The following ACSL1 variants were observed in gnomAD, a reference collection of about 807,000 sequenced individuals.
The protein encoded by ACSL1 is long-chain-fatty-acid--CoA ligase 1.
A neutral mutation model predicts 98.4 loss-of-function variants in ACSL1; 41 were observed. The observed-to-expected ratio is 0.42, with a 90% confidence interval of 0.32 to 0.54. The LOEUF (loss-of-function observed/expected upper bound fraction) is 0.54, where lower values mean the gene tolerates loss of function less well. Among genes scored for constraint, ACSL1 ranks in the 20% least tolerant of loss-of-function variants. ACSL1 has a pLI of 0.13. For missense variants in ACSL1, 734 were observed against 883.1 expected (o/e 0.83, Z 2.14); for synonymous variants, 316 against 322.7 (o/e 0.98, Z 0.22).
rs145459111 is a variant in ACSL1, at chr4:184,784,271, CCTCTTT to C, written c.311-286_311-281del. On this transcript the variant is annotated intron_variant, in intron 3 of 20. Transcript: ENST00000281455. ...TCTTAAGGGCACTTAATTTGTGATT[CCTCTTT>C]AACACCCTACTGGTTTAGACCAGGA... 5.5e-4 allele frequency among the ~76,000 whole-genome samples: 83 copies of C among 152,270 alleles called. 3 individuals carry two copies. The East Asian group carries it at 0.015, about 28-fold the overall frequency.
At chr4:184,795,550 C>T (rs1769210641) in intron 2 of ACSL1, among the ~76,000 whole-genome samples, 1 of 152,134 alleles carries the variant, frequency 6.6e-6, no homozygotes, top group Non-Finnish European at 1.5e-5. Flanking sequence ...CTTTAAATTC[C>T]TAAGCCAGGC....
intron 11 of ACSL1, among the ~76,000 whole-genome samples, chr4:184,769,108 CTTTACATTTAA>C (rs1764108261): frequency 6.8e-6 from 1 of 147,994 alleles, no homozygotes; most frequent in Non-Finnish European, 1.5e-5. Context: ...CTTCCAGAAA[CTTTACATTTAA>C]TTTATTCTCA....
chr4:184,811,443 C>T (rs897617729), intron 1 of ACSL1, among the ~76,000 whole-genome samples: 4 of 152,062 alleles, frequency 2.6e-5, no homozygotes, highest in African/African-American at 9.7e-5. Context: ...GGATTCAAAC[C>T]CAGATTTCCA....
chr4:184,771,215 G>A (rs1764467232), intron 10 of ACSL1, among the ~76,000 whole-genome samples: 1 of 151,974 alleles, frequency 6.6e-6, no homozygotes, highest in African/African-American at 2.4e-5. Context: ...ATCAAAACAA[G>A]GAAAATTTTG....
intron 1 of ACSL1, among the ~76,000 whole-genome samples, chr4:184,820,306 T>C (rs11132256): frequency 0.012 from 1,863 of 152,020 alleles, 11 homozygotes; most frequent in Non-Finnish European, 0.021. Context: ...CGTGAGCCAC[T>C]GCACCCGGCC....
At chr4:184,818,297 T>C (rs528345812) in intron 1 of ACSL1, among the ~76,000 whole-genome samples, 1 of 152,244 alleles carries the variant, frequency 6.6e-6, no homozygotes, top group South Asian at 2.1e-4. Flanking sequence ...TTATGTAACA[T>C]TAGCTGGAGC....
intron 1 of ACSL1, among the ~76,000 whole-genome samples, chr4:184,816,329 G>A (rs1772634027): frequency 6.6e-6 from 1 of 152,088 alleles, no homozygotes; most frequent in African/African-American, 2.4e-5. Context: ...GTATTGGGAA[G>A]GAGAAGAGAG....
intron 2 of ACSL1, among the ~76,000 whole-genome samples, chr4:184,799,467 C>T (rs1038610957): frequency 5.3e-5 from 8 of 152,132 alleles, no homozygotes; most frequent in Non-Finnish European, 1.2e-4. Flanking sequence ...AGAACTTAGA[C>T]TCTGTTTTTA....
At chr4:184,823,761 T>C (rs116290981) in intron 1 of ACSL1, among the ~76,000 whole-genome samples, 146 of 152,358 alleles carry the variant, frequency 9.6e-4, no homozygotes, top group Non-Finnish European at 1.7e-3. Flanking sequence ...TGTCAATGCA[T>C]AAGAAATTTC....
intron 2 of ACSL1, among the ~76,000 whole-genome samples, chr4:184,795,619 TCACC>T (rs1264891192): frequency 2.0e-5 from 3 of 152,204 alleles, no homozygotes; most frequent in Non-Finnish European, 4.4e-5. Flanking sequence ...CCTTCAGTTC[TCACC>T]CTGCAGGCCA....
chr4:184,782,073 C>G (rs1017034318), intron 4 of ACSL1, among the ~76,000 whole-genome samples: 1 of 152,106 alleles, frequency 6.6e-6, no homozygotes, highest in African/African-American at 2.4e-5. Flanking sequence ...ACAGACTGAT[C>G]GTGGTAAGGT....
chr4:184,799,310 T>C lies in ACSL1; in HGVS notation c.195+4010A>G, dbSNP rs527709068. ...TTTTGTATTTCTAGTAGAGACGGGG[T>C]TTCACTATATTGGTCAGGCAGGTCT... On this transcript the variant is annotated intron_variant, in intron 2 of 20. Transcript: ENST00000281455. Among the ~76,000 whole-genome samples the C allele has an allele frequency of 3.3e-5, 5 of 151,804 alleles. No individual in the cohort carries two copies. In the South Asian group the frequency reaches 1.0e-3, roughly 32 times the overall value.
intron 2 of ACSL1, among the ~76,000 whole-genome samples, chr4:184,791,088 G>A (rs534974022): frequency 3.3e-5 from 5 of 152,198 alleles, no homozygotes; most frequent in Non-Finnish European, 7.3e-5. Context: ...TGGCCTGGCC[G>A]CCCACAGGGA....
At chr4:184,812,992 A>G (rs1302296864) in intron 1 of ACSL1, among the ~76,000 whole-genome samples, 2 of 152,180 alleles carry the variant, frequency 1.3e-5, no homozygotes, top group Non-Finnish European at 2.9e-5. Context: ...AGATGTACGG[A>G]ATGCTGACAA....
intron 2 of ACSL1, among the ~76,000 whole-genome samples, chr4:184,793,972 A>G (rs1335044824): frequency 1.3e-5 from 2 of 152,192 alleles, no homozygotes; most frequent in Non-Finnish European, 2.9e-5. Context: ...TGGTCTCTAT[A>G]TTACTCACAA....
intron 10 of ACSL1, among the ~76,000 whole-genome samples, chr4:184,771,056 G>A (rs928683159): frequency 3.3e-5 from 5 of 152,074 alleles, no homozygotes; most frequent in Admixed American, 1.3e-4. Flanking sequence ...TCAGGGAGGC[G>A]GAGGCTGCAG....
chr4:184,824,839 G>A (rs1229959741), intron 1 of ACSL1, among the ~76,000 whole-genome samples: 2 of 148,796 alleles, frequency 1.3e-5, no homozygotes, highest in African/African-American at 5.2e-5. Flanking sequence ...AGAAAAAAAA[G>A]AAAGAAACAA....
rs767269716 is a variant in ACSL1, at chr4:184,776,481, C to T, written c.756+3G>A. The T allele has an allele frequency of 1.7e-5, 27 of 1,610,270 alleles. No homozygotes were observed. The highest frequency in any genetic ancestry group is 2.3e-5 in the Non-Finnish European group (27 of 1,178,460). ...AGAGAAGGGAAGGAGGCAGGGCACT[C>T]ACCTCCATCGCCTTCATGCTGGTGA... On this transcript the variant is annotated splice_donor_region_variant and intron_variant, in intron 7 of 20. Coordinates refer to ENST00000281455, the MANE Select transcript of ACSL1 (RefSeq NM_001995.5).
At chr4:184,768,586 C>A in intron 11 of ACSL1, 136 bp from the exon 12 acceptor site, 1 of 1,298,246 alleles carries the variant, frequency 7.7e-7, no homozygotes. Context: ...ATATAGGTAA[C>A]TTAAAAAAAA....
Sources: allele counts gnomAD v4.1 joint callset (sites outside exome capture counted in the v4.1 genomes callset), GRCh38; gene constraint gnomAD v4.1.1; transcripts MANE v1.5; gene names NCBI Gene and HGNC (gene_info 2026-07-23, HGNC 2026-07-21).